LRRC7: variants seen among roughly 807,000 people sequenced by gnomAD.
LRRC7 encodes the protein leucine rich repeat containing 7.
Under a neutral mutation model 175.7 loss-of-function variants are expected in LRRC7, and 23 were observed. The observed-to-expected ratio is 0.13, with a 90% CI of 0.09 to 0.19. The LOEUF is 0.19. Ranked by LOEUF, LRRC7 falls within the 10% of genes least tolerant of loss-of-function variation. The pLI, the probability that LRRC7 is intolerant of heterozygous loss-of-function variation, is 1.00. For missense variants in LRRC7, 1,354 were observed against 1,904.7 expected, an observed-to-expected ratio of 0.71 and a Z score of 5.38; for synonymous variants, 685 against 680.9, an observed-to-expected ratio of 1.01 and a Z score of -0.09.
chr1:69,847,897 C>A (rs11579359), intron 7 of LRRC7, among the ~76,000 whole-genome samples: 5,503 of 152,204 alleles, frequency 0.036, 141 homozygotes, highest in Middle Eastern at 0.075. Context: ...TTTCAGAAGA[C>A]AAAATGTCAA....
At chr1:70,025,968 A>G (rs1658057500) in intron 17 of LRRC7, among the ~76,000 whole-genome samples, 1 of 152,106 alleles carries the variant, frequency 6.6e-6, no homozygotes, top group African/African-American at 2.4e-5. Context: ...TTTAAATGTC[A>G]CAGGAATAAA....
At chr1:70,028,786 A>G (rs1361148888) in intron 18 of LRRC7, among the ~76,000 whole-genome samples, 1 of 152,190 alleles carries the variant, frequency 6.6e-6, no homozygotes, top group Non-Finnish European at 1.5e-5. Flanking sequence ...AAATGTTTTT[A>G]TCTTTGGGTT....
intron 1 of LRRC7, among the ~76,000 whole-genome samples, chr1:69,575,009 C>T (rs887842614): frequency 2.6e-5 from 4 of 152,278 alleles, no homozygotes; most frequent in African/African-American, 9.6e-5. Context: ...CACACATACA[C>T]ATACAGCTGT....
chr1:70,078,824 G>GCACACACA, intron 24 of LRRC7, among the ~76,000 whole-genome samples: 1 of 130,874 alleles, frequency 7.6e-6, no homozygotes, highest in African/African-American at 3.1e-5. Context: ...ACACACACAC[G>GCACACACA]CACACACACA....
intron 2 of LRRC7, among the ~76,000 whole-genome samples, chr1:69,737,098 G>A (rs1185119647): frequency 6.6e-6 from 1 of 152,018 alleles, no homozygotes; most frequent in Non-Finnish European, 1.5e-5. Context: ...TGCCTGCTTT[G>A]CATTCTTTAC....
At chr1:69,949,027 C>G (rs1649642480) in intron 8 of LRRC7, among the ~76,000 whole-genome samples, 1 of 151,944 alleles carries the variant, frequency 6.6e-6, no homozygotes, top group Non-Finnish European at 1.5e-5. Flanking sequence ...TCCTTATGGA[C>G]TAACTATGGC....
chr1:69,899,374 C>T (rs147521349), intron 7 of LRRC7, among the ~76,000 whole-genome samples: 1 of 152,300 alleles, frequency 6.6e-6, no homozygotes, highest in African/African-American at 2.4e-5. Flanking sequence ...GGAGAGGAAA[C>T]TTTGCCTCCT....
intron 11 of LRRC7, among the ~76,000 whole-genome samples, chr1:70,005,300 T>G (rs1391800737): frequency 5.9e-5 from 9 of 152,208 alleles, no homozygotes; most frequent in Admixed American, 5.9e-4. Context: ...AAAAGTGAAT[T>G]AAGAAGGTGA....
intron 3 of LRRC7, among the ~76,000 whole-genome samples, chr1:69,781,377 C>T (rs908563999): frequency 5.3e-5 from 8 of 151,758 alleles, no homozygotes; most frequent in South Asian, 4.2e-4. Context: ...GGCGATAGTG[C>T]GCTAGTATAG....
chr1:69,906,267 G>C (rs909267082), intron 7 of LRRC7, among the ~76,000 whole-genome samples: 4 of 152,122 alleles, frequency 2.6e-5, no homozygotes, highest in African/African-American at 9.7e-5. Flanking sequence ...AGTTTAATTA[G>C]ATCCCATTTG....
intron 2 of LRRC7, among the ~76,000 whole-genome samples, chr1:69,735,385 C>G (rs1451827543): frequency 6.6e-6 from 1 of 151,982 alleles, no homozygotes; most frequent in East Asian, 1.9e-4. Context: ...TAAAAGGTCC[C>G]ATATACTGGA....
At chr1:69,909,364 C>T (rs1267530633) in intron 7 of LRRC7, among the ~76,000 whole-genome samples, 1 of 152,064 alleles carries the variant, frequency 6.6e-6, no homozygotes, top group East Asian at 1.9e-4. Context: ...TCTTCCTAGC[C>T]TTGATGGTCT....
chr1:70,120,731 T>C (rs1666157712), intron 26 of LRRC7, among the ~76,000 whole-genome samples: 1 of 152,060 alleles, frequency 6.6e-6, no homozygotes, highest in South Asian at 2.1e-4. Context: ...GTGAACTGGC[T>C]CTGTTACCTC....
chr1:69,781,860 A>AAG (rs1553155253), intron 3 of LRRC7, among the ~76,000 whole-genome samples: 4 of 109,340 alleles, frequency 3.7e-5, no homozygotes, highest in South Asian at 3.1e-4. Flanking sequence ...AGAAAGAAAG[A>AAG]GAAGGAAGGA....
At chr1:69,846,248 C>T (rs1180497229) in intron 7 of LRRC7, among the ~76,000 whole-genome samples, 2 of 151,946 alleles carry the variant, frequency 1.3e-5, no homozygotes, top group South Asian at 2.1e-4. Flanking sequence ...GCCTTGTGAA[C>T]GAATTGTATT....
chr1:69,715,743 A>T (rs1194962057), intron 2 of LRRC7, among the ~76,000 whole-genome samples: 1 of 152,002 alleles, frequency 6.6e-6, no homozygotes, highest in African/African-American at 2.4e-5. Flanking sequence ...AACCTGTATG[A>T]ATCTAAATTA....
chr1:69,778,614 A>G (rs533454766), intron 3 of LRRC7, among the ~76,000 whole-genome samples: 49 of 152,268 alleles, frequency 3.2e-4, no homozygotes, highest in African/African-American at 1.1e-3. Flanking sequence ...TTGGGTTTTT[A>G]GATTAGAAAT....
Position 70,130,314 on chromosome 1 carries a change from A to C in LRRC7, c.*8427A>C, listed in dbSNP as rs1393594027. On this transcript the variant is annotated 3_prime_UTR_variant, in exon 27 of 27. Transcript: ENST00000651989. ...TCCTTAATGCCTGTCATAGTGTCAG[A>C]AACATAGTATAGGTTCTCAATAAAT... The C allele has an allele frequency of 6.6e-6, 1 of 152,224 alleles. No homozygotes were observed. The allele number at this position is 152,224 out of a possible 1,614,324, so 9.4% of individuals were successfully genotyped here. A position where few individuals can be genotyped will look rare whatever the true frequency, so the allele number is the denominator to read the frequency against.
intron 22 of LRRC7, among the ~76,000 whole-genome samples, chr1:70,045,385 A>G (rs1232571870): frequency 2.6e-5 from 4 of 152,060 alleles, no homozygotes; most frequent in Non-Finnish European, 5.9e-5. Flanking sequence ...AGAATTGGGA[A>G]GATTCACGTG....
Sources: allele counts gnomAD v4.1 joint callset (sites outside exome capture counted in the v4.1 genomes callset), GRCh38; gene constraint gnomAD v4.1.1; transcripts MANE v1.5; gene names NCBI Gene and HGNC (gene_info 2026-07-23, HGNC 2026-07-21).